Variants in H1-3 observed in about 807,000 individuals in gnomAD.
H1-3 encodes the protein histone H1.3.
In H1-3, 4 loss-of-function variants were observed where a neutral mutation model predicts 3.6. That is an observed-to-expected ratio of 1.12 (90% CI 0.55 to 2.57). The LOEUF (loss-of-function observed/expected upper bound fraction) is 2.57, where lower values mean the gene tolerates loss of function less well. Among genes scored for constraint, H1-3 ranks in the 30% most tolerant of loss-of-function variants. The pLI, the probability that H1-3 is intolerant of heterozygous loss-of-function variation, is 0.02. For synonymous variants in H1-3, 266 were observed against 110.0 expected, an observed-to-expected ratio of 2.42 and a Z score of -8.87; for missense variants, 670 against 274.3, an observed-to-expected ratio of 2.44 and a Z score of -10.19.
chr6:26,234,676 C>G lies in H1-3; in HGVS notation c.258G>C (p.Lys86Asn). Residue 86 changes from lysine (K) to asparagine (N), a missense_variant, in exon 1 of 1, where the codon AAG becomes AAC. Physicochemically the swap from Lys to Asn is moderately conservative, Grantham distance 94 (BLOSUM62 0). Coordinates refer to ENST00000244534, the MANE Select transcript of H1-3 (RefSeq NM_005320.3). ...CCAGAGTACCTTTGCTCACCAAGCT[C>G]TTGAGGCCAAGCTTGATACGGCTGT... Reference protein sequence around the residue: ...KNNSRIKLGLKSLVSKGTLVQ... With the variant: ...KNNSRIKLGLNSLVSKGTLVQ... 6.2e-7 allele frequency: 1 copy of G among 1,614,058 alleles called. No homozygotes were observed. The highest frequency in any genetic ancestry group is 2.2e-5 in the East Asian group (1 of 44,900).
rs201092413 is a variant in H1-3, at chr6:26,234,779, G to A, written c.155C>T (p.Ser52Phe). 9.9e-6 allele frequency: 16 copies of A among 1,614,240 alleles called. No homozygotes were observed. Among genetic ancestry groups the A allele is most frequent in the Middle Eastern group, 3.3e-4 (2 of 6,060 alleles). The change falls in exon 1 of 1, where the codon TCT becomes TTT. Residue 52 changes from serine to phenylalanine, a missense_variant. By Grantham distance (155) the Ser-to-Phe change is radical. Transcript: ENST00000244534. ...CAGAGAAACGCCGCTGCGCTCCTTA[G>A]AAGCTGCCACTGCCTTGGTGATAAG... ...SELITKAVAA[S>F]KERSGVSLAA...
At position 26,234,730 on chromosome 6, in the gene H1-3, C is replaced by A. The variant is rs754488594; in HGVS notation, c.204G>T (p.Ala68=). The change falls in exon 1 of 1, where the codon GCG becomes GCT. Residue 68 remains alanine, a synonymous_variant. Transcript: ENST00000244534. ...TTTTTTCTACATCGTAGCCAGCAGC[C>A]GCAAGCGCTTTCTTAAGCGCGGCCA... ...VSLAALKKAL[A]AAGYDVEKNN... The A allele has an allele frequency of 3.7e-6, 6 of 1,613,596 alleles. No individual in the cohort carries two copies. In the East Asian group the frequency reaches 1.3e-4, roughly 36 times the overall value.
chr6:26,234,542 T>G lies in H1-3; in HGVS notation c.392A>C (p.Lys131Thr), dbSNP rs775775058. 5.6e-5 allele frequency: 91 copies of G among 1,612,514 alleles called. No homozygotes were observed. The highest frequency in any genetic ancestry group is 6.8e-5 in the Non-Finnish European group (80 of 1,179,744). ...AKKAGAAKPR[K>T]PAGAAKKPKK... ...GGGCTTCTTGGCTGCCCCAGCAGGCTTCCTAGGCTTGGCTGCGCCAGCCTT... is the reference window on the plus strand; with the variant it reads ...GGGCTTCTTGGCTGCCCCAGCAGGCGTCCTAGGCTTGGCTGCGCCAGCCTT... Residue 131 changes from lysine to threonine, a missense_variant, in exon 1 of 1, where the codon AAG (lysine) becomes ACG (threonine). Coordinates refer to ENST00000244534, the MANE Select transcript of H1-3 (RefSeq NM_005320.3).
rs372079520 is a variant in H1-3 at position 26,234,984 on chromosome 6, G to C, written c.-51C>G. On this transcript the variant is annotated 5_prime_UTR_variant, in exon 1 of 1. Transcript: ENST00000244534. ...TAAGTAATCTCAAACTGTCAGAACAGCATGTCCTCTACGAGGGAGGCTGAG... is the reference window on the plus strand; with the variant it reads ...TAAGTAATCTCAAACTGTCAGAACACCATGTCCTCTACGAGGGAGGCTGAG... 6.6e-7 allele frequency: 1 copy of C among 1,505,202 alleles called. No individual in the cohort carries two copies. The highest frequency in any genetic ancestry group is 9.0e-7 in the Non-Finnish European group (1 of 1,115,608). The allele number at this position is 1,505,202 out of a possible 1,614,324, so 93.2% of individuals were successfully genotyped here. A position where few individuals can be genotyped will look rare whatever the true frequency, so the allele number is the denominator to read the frequency against.
rs777033317 is a variant in H1-3, at chr6:26,234,490, C to G, written c.444G>C (p.Pro148=). The change falls in exon 1 of 1, where the codon CCG becomes CCC. Residue 148 remains proline, a synonymous_variant. Transcript: ENST00000244534. Reference sequence around the variant, plus strand: ...TAGGAGTCTTTTTGATGCTTTTCTTCGGGGTAGCGGCGCCAGCCACCTTCT... The same window carrying G: ...TAGGAGTCTTTTTGATGCTTTTCTTGGGGGTAGCGGCGCCAGCCACCTTCT... ...KPKKVAGAAT[P]KKSIKKTPKK... is the part of the protein sequence containing the mutation. 1 of 1,614,016 alleles carries G rather than the reference C, an allele frequency of 6.2e-7. No individual in the cohort carries two copies. The highest frequency in any genetic ancestry group is 1.1e-5 in the South Asian group (1 of 91,082).
In H1-3 at chr6:26,234,879, G is replaced by A. The variant is rs770222362; in HGVS notation, c.55C>T (p.Pro19Ser). 9 of 1,613,228 alleles carry A rather than the reference G, an allele frequency of 5.6e-6. No homozygotes were observed. Among genetic ancestry groups the A allele is most frequent in the African/African-American group, 1.3e-5 (1 of 74,898 alleles). ...PTIPAPAEKT[P>S]VKKKAKKAGA... ...GCCTTCTTCGCCTTTTTCTTCACAG[G>A]TGTTTTTTCTGCGGGTGCAGGAATG... Residue 19 changes from proline (P) to serine (S), a missense_variant, in exon 1 of 1, where the codon CCT becomes TCT. By Grantham distance (74) the Pro-to-Ser change is moderately conservative. Transcript: ENST00000244534.
In H1-3 at chr6:26,234,731, G is replaced by T; in HGVS notation, c.203C>A (p.Ala68Glu). The change falls in exon 1 of 1, where the codon GCG becomes GAG. Residue 68 changes from alanine to glutamate, a missense_variant. Coordinates refer to ENST00000244534, the MANE Select transcript of H1-3 (RefSeq NM_005320.3). Reference protein sequence around the residue: ...VSLAALKKALAAAGYDVEKNN... With the variant: ...VSLAALKKALEAAGYDVEKNN... The stretch of plus-strand genomic sequence containing the variant: ...TTTTTCTACATCGTAGCCAGCAGCC[G>T]CAAGCGCTTTCTTAAGCGCGGCCAG... The T allele has an allele frequency of 1.2e-6, 2 of 1,613,610 alleles. No homozygotes were observed. Among genetic ancestry groups the T allele is most frequent in the African/African-American group, 1.3e-5 (1 of 74,920 alleles).
rs754419863 is a variant in H1-3 at position 26,234,233 on chromosome 6, G to A, written c.*35C>T. On this transcript the variant is annotated 3_prime_UTR_variant, in exon 1 of 1. Transcript: ENST00000244534. Reference sequence around the variant, plus strand: ...CCTGTGGGTGGCTCTGAAAAGAGCCGTTTAAAATTTTCAAAGGGGAACGTC... The same window carrying A: ...CCTGTGGGTGGCTCTGAAAAGAGCCATTTAAAATTTTCAAAGGGGAACGTC... The A allele has an allele frequency of 1.7e-5, 26 of 1,564,878 alleles. No homozygotes were observed. The highest frequency in any genetic ancestry group is 5.5e-5 in the African/African-American group (4 of 72,390).
rs768101896 is a variant in H1-3 at position 26,234,703 on chromosome 6, G to C, written c.231C>G (p.Asn77Lys). Residue 77 changes from asparagine (N) to lysine (K), a missense_variant, in exon 1 of 1, where the codon AAC becomes AAG. Asn to Lys is a moderately conservative substitution (Grantham distance 94, BLOSUM62 0). Transcript: ENST00000244534. ...TGAGGCCAAGCTTGATACGGCTGTT[G>C]TTTTTTTCTACATCGTAGCCAGCAG... ...LAAAGYDVEKNNSRIKLGLKS... is the reference protein window; with the variant it reads ...LAAAGYDVEKKNSRIKLGLKS... The C allele has an allele frequency of 6.2e-7, 1 of 1,613,686 alleles. No individual in the cohort carries two copies. The highest frequency in any genetic ancestry group is 1.3e-5 in the African/African-American group (1 of 74,856).
Position 26,234,431 on chromosome 6 carries a change from G to C in H1-3, c.503C>G (p.Thr168Ser), listed in dbSNP as rs377035131. 1 of 1,613,932 alleles carries C rather than the reference G, an allele frequency of 6.2e-7. No individual in the cohort carries two copies. The highest frequency in any genetic ancestry group is 1.3e-5 in the African/African-American group (1 of 74,912). Residue 168 changes from threonine to serine, a missense_variant, in exon 1 of 1, where the codon ACC (threonine) becomes AGC (serine). Transcript: ENST00000244534. ...KVKKPATAAG[T>S]KKVAKSAKKV... ...TTTCGCACTCTTGGCCACTTTCTTG[G>C]TCCCAGCAGCGGTTGCTGGCTTCTT... is the stretch of plus-strand genomic sequence containing the variant.
In H1-3 at chr6:26,234,771, G is replaced by T. The variant is rs764666462; in HGVS notation, c.163C>A (p.Arg55Ser). Residue 55 changes from arginine to serine, a missense_variant, in exon 1 of 1, where the codon CGC becomes AGC. Coordinates refer to ENST00000244534, the MANE Select transcript of H1-3 (RefSeq NM_005320.3). ...AGCGCGGCCAGAGAAACGCCGCTGCGCTCCTTAGAAGCTGCCACTGCCTTG... is the reference window on the plus strand; with the variant it reads ...AGCGCGGCCAGAGAAACGCCGCTGCTCTCCTTAGAAGCTGCCACTGCCTTG... ...ITKAVAASKE[R>S]SGVSLAALKK... The T allele has an allele frequency of 6.2e-7, 1 of 1,614,212 alleles. No homozygotes were observed.
At position 26,234,289 on chromosome 6, in the gene H1-3, C is replaced by T. The variant is rs749379687; in HGVS notation, c.645G>A (p.Lys215=). 1.4e-5 allele frequency: 23 copies of T among 1,598,040 alleles called. No individual in the cohort carries two copies. Among genetic ancestry groups the T allele is most frequent in the African/African-American group, 9.5e-5 (7 of 73,490 alleles). ...AGTTTCACTTTTTCTTCGGAGCTGC[C>T]TTCTTTGCCTTTGTAACCTTCGGCT... The part of the protein sequence containing the change: ...SGKPKVTKAK[K]AAPKKK The change falls in exon 1 of 1, where the codon AAG becomes AAA. Residue 215 remains lysine (K), a synonymous_variant. Coordinates refer to ENST00000244534, the MANE Select transcript of H1-3 (RefSeq NM_005320.3).
Position 26,234,958 on chromosome 6 carries a change from A to C in H1-3, c.-25T>G. 6.4e-7 allele frequency: 1 copy of C among 1,573,268 alleles called. No individual in the cohort carries two copies. The highest frequency in any genetic ancestry group is 1.2e-5 in the South Asian group (1 of 84,500). ...TGTTTTTGTCTTCCCAGAAAAGACA[A>C]TAAGTAATCTCAAACTGTCAGAACA... On this transcript the variant is annotated 5_prime_UTR_variant, in exon 1 of 1. Transcript: ENST00000244534.
chr6:26,234,436 A>G lies in H1-3; in HGVS notation c.498T>C (p.Ala166=). 1 of 1,614,114 alleles carries G rather than the reference A, an allele frequency of 6.2e-7. No individual in the cohort carries two copies. The stretch of plus-strand genomic sequence containing the variant: ...CACTCTTGGCCACTTTCTTGGTCCC[A>G]GCAGCGGTTGCTGGCTTCTTTACCT... ...PKKVKKPATA[A]GTKKVAKSAK... The change falls in exon 1 of 1, where the codon GCT becomes GCC. Residue 166 remains alanine, a synonymous_variant. Transcript: ENST00000244534.
chr6:26,234,415 C>G lies in H1-3; in HGVS notation c.519G>C (p.Lys173Asn). 6.2e-7 allele frequency: 1 copy of G among 1,614,212 alleles called. No homozygotes were observed. The highest frequency in any genetic ancestry group is 8.5e-7 in the Non-Finnish European group (1 of 1,180,036). ...ATAAGTKKVA[K>N]SAKKVKTPQP... ...GAGGTGTTTTCACCTTTTTCGCACT[C>G]TTGGCCACTTTCTTGGTCCCAGCAG... is the stretch of plus-strand genomic sequence containing the variant. The change falls in exon 1 of 1, where the codon AAG becomes AAC. Residue 173 changes from lysine (K) to asparagine (N), a missense_variant. Transcript: ENST00000244534.
rs1454256738 is a variant in H1-3 at position 26,234,727 on chromosome 6, A to G, written c.207T>C (p.Ala69=). The G allele has an allele frequency of 1.2e-6, 2 of 1,613,670 alleles. No homozygotes were observed. The highest frequency in any genetic ancestry group is 1.7e-6 in the Non-Finnish European group (2 of 1,179,914). The change falls in exon 1 of 1, where the codon GCT becomes GCC. Residue 69 remains alanine (A), a synonymous_variant. Transcript: ENST00000244534. ...SLAALKKALA[A]AGYDVEKNNS... is the part of the protein sequence containing the mutation. ...TGTTTTTTTCTACATCGTAGCCAGC[A>G]GCCGCAAGCGCTTTCTTAAGCGCGG...
In H1-3 at chr6:26,234,684, C is replaced by G; in HGVS notation, c.250G>C (p.Gly84Arg). Residue 84 changes from glycine to arginine, a missense_variant, in exon 1 of 1, where the codon GGC becomes CGC. Gly to Arg is a moderately radical substitution (Grantham distance 125, BLOSUM62 -2). Transcript: ENST00000244534. ...CCTTTGCTCACCAAGCTCTTGAGGC[C>G]AAGCTTGATACGGCTGTTGTTTTTT... ...VEKNNSRIKL[G>R]LKSLVSKGTL... 1 of 1,614,114 alleles carries G rather than the reference C, an allele frequency of 6.2e-7. No homozygotes were observed. The highest frequency in any genetic ancestry group is 8.5e-7 in the Non-Finnish European group (1 of 1,180,014).
chr6:26,234,515 T>G lies in H1-3; in HGVS notation c.419A>C (p.Lys140Thr), dbSNP rs773020592. ...CGGGGTAGCGGCGCCAGCCACCTTC[T>G]TGGGCTTCTTGGCTGCCCCAGCAGG... Reference protein sequence around the residue: ...RKPAGAAKKPKKVAGAATPKK... With the variant: ...RKPAGAAKKPTKVAGAATPKK... Residue 140 changes from lysine (K) to threonine (T), a missense_variant, in exon 1 of 1, where the codon AAG becomes ACG. Lys to Thr is a moderately conservative substitution (Grantham distance 78). Transcript: ENST00000244534. 6.2e-7 allele frequency: 1 copy of G among 1,613,794 alleles called. No individual in the cohort carries two copies. The highest frequency in any genetic ancestry group is 8.5e-7 in the Non-Finnish European group (1 of 1,179,918).
chr6:26,234,346 A>C lies in H1-3; in HGVS notation c.588T>G (p.Pro196=), dbSNP rs1393983127. The C allele has an allele frequency of 1.2e-6, 2 of 1,614,210 alleles. No homozygotes were observed. The highest frequency in any genetic ancestry group is 1.7e-6 in the Non-Finnish European group (2 of 1,180,024). Residue 196 remains proline, a synonymous_variant, in exon 1 of 1, where the codon CCT becomes CCG. Transcript: ENST00000244534. ...ACTTAGGCTTGGCCGCCTTGGGCTT[A>C]GGGGCTTTGGCCTTAGCTGGACTCT... ...AAKSPAKAKA[P]KPKAAKPKSG... is the part of the protein sequence containing the mutation.
Sources: allele counts gnomAD v4.1 joint callset, GRCh38; gene constraint gnomAD v4.1.1; transcripts MANE v1.5; gene names NCBI Gene and HGNC (gene_info 2026-07-23, HGNC 2026-07-21).